KCTD17: variants seen among roughly 807,000 people sequenced by gnomAD.
KCTD17 encodes potassium channel tetramerization domain containing 17.
KCTD17 carries 20 observed loss-of-function variants against 41.5 expected under a neutral mutation model. The observed-to-expected ratio is 0.48, with a 90% confidence interval of 0.34 to 0.70. The LOEUF (loss-of-function observed/expected upper bound fraction) is 0.70, where lower values mean the gene tolerates loss of function less well. Among genes scored for constraint, KCTD17 ranks in the 30% least tolerant of loss-of-function variants. KCTD17 has a pLI of 0.01. For synonymous variants in KCTD17, 156 were observed against 173.8 expected (o/e 0.90, Z 0.80); for missense variants, 317 against 427.2 (o/e 0.74, Z 2.27).
chr22:37,054,740 A>G (rs1157687036), intron 2 of KCTD17, among the ~76,000 whole-genome samples: 1 of 152,138 alleles, frequency 6.6e-6, no homozygotes, highest in Non-Finnish European at 1.5e-5. Context: ...AGGATGTGGG[A>G]TGCAGTGCTA....
chr22:37,057,223 G>T, intron 3 of KCTD17, 175 bp from the exon 4 acceptor site: 1 of 673,516 alleles, frequency 1.5e-6, no homozygotes, highest in Non-Finnish European at 2.7e-6. Context: ...CCTGGTAAAT[G>T]CCTGGTGAGG....
At position 37,059,302 on chromosome 22, in the gene KCTD17, C is replaced by T. The variant is rs376815052; in HGVS notation, c.487-11C>T. 162 of 1,611,776 alleles carry T rather than the reference C, an allele frequency of 1.0e-4. No homozygotes were observed. Among genetic ancestry groups the T allele is most frequent in the Non-Finnish European group, 1.3e-4 (150 of 1,179,840 alleles). On this transcript the variant is annotated splice_polypyrimidine_tract_variant and intron_variant, in intron 4 of 8. Transcript: ENST00000403888. ...AACCTGCATTTTTCTCCCCATGCTC[C>T]GCCCCTCTAGCTGGTGAACATCGGC...
Position 37,054,476 on chromosome 22 carries a change from A to ACAGGGCTATCCGGGGGCTAGGGGATCACG in KCTD17, c.298+1294_298+1322dup, listed in dbSNP as rs1568981114. Among the ~76,000 whole-genome samples, 20 of 149,180 alleles carry ACAGGGCTATCCGGGGGCTAGGGGATCACG rather than the reference A, an allele frequency of 1.3e-4. No individual in the cohort carries two copies. In the South Asian group the frequency reaches 2.1e-3, roughly 16 times the overall value. On this transcript the variant is annotated intron_variant, in intron 2 of 8. Coordinates refer to ENST00000403888, the MANE Select transcript of KCTD17 (RefSeq NM_001282684.2). ...GGCTATCCGGAGGCTAGGGGATCAC[A>ACAGGGCTATCCGGGGGCTAGGGGATCACG]CAGGGCTATCCGGGGGCTAGGGGAT...
rs773764553 is a variant in KCTD17, at chr22:37,055,676, T to C, written c.299-644T>C. On this transcript the variant is annotated intron_variant, in intron 2 of 8. Transcript: ENST00000403888. ...TGCTCTCCTCATATCCCTGGACTTG[T>C]GATGAGCTCGTGCAGGGTGTTGCAA... Among the ~76,000 whole-genome samples the C allele has an allele frequency of 3.3e-5, 5 of 152,278 alleles. No homozygotes were observed. The South Asian group carries it at 1.0e-3, about 32-fold the overall frequency.
At position 37,052,651 on chromosome 22, in the gene KCTD17, C is replaced by T. The variant is rs138776174; in HGVS notation, c.190-449C>T. 282 of 470,878 alleles carry T rather than the reference C, an allele frequency of 6.0e-4. 2 individuals are homozygous for T. Among genetic ancestry groups the T allele is most frequent in the African/African-American group, 5.4e-3 (272 of 50,196 alleles). 29.2% of individuals were successfully genotyped at this position (470,878 alleles called of 1,614,324 possible). A position where few individuals can be genotyped will look rare whatever the true frequency, so the allele number is the denominator to read the frequency against. On this transcript the variant is annotated intron_variant, in intron 1 of 8. Transcript: ENST00000403888. ...TCTCTCTGTAGAGTCGCATGGAAGC[C>T]CACCCTGCCTCCCTGCCCGCCCGAG... is the stretch of plus-strand genomic sequence containing the variant.
At chr22:37,058,387 C>T (rs563711604) in intron 4 of KCTD17, among the ~76,000 whole-genome samples, 17 of 152,350 alleles carry the variant, frequency 1.1e-4, no homozygotes, top group Admixed American at 2.6e-4. Flanking sequence ...GTTCCCTCAT[C>T]GGTGAAGTGG....
chr22:37,062,473 GC>G, intron 8 of KCTD17, 51 bp from the exon 9 acceptor site: 1 of 1,534,920 alleles, frequency 6.5e-7, no homozygotes, highest in Non-Finnish European at 8.8e-7. Context: ...CTCCTTACCG[GC>G]CCCACCTCCG....
Position 37,051,875 on chromosome 22 carries a change from C to G in KCTD17, c.115C>G (p.Arg39Gly). ...NVGGTVFLTT[R>G]QTLCREQKSF... ...GGGGGGCACGGTGTTCCTGACCACC[C>G]GGCAGACGCTGTGCCGCGAGCAGAA... The change falls in exon 1 of 9, where the codon CGG becomes GGG. Residue 39 changes from arginine to glycine, a missense_variant. Physicochemically the swap from Arg to Gly is moderately radical, Grantham distance 125 (BLOSUM62 -2). Transcript: ENST00000403888. 2 of 1,495,634 alleles carry G rather than the reference C, an allele frequency of 1.3e-6. No individual in the cohort carries two copies. Among genetic ancestry groups the G allele is most frequent in the Non-Finnish European group, 1.8e-6 (2 of 1,123,066 alleles). The allele number at this position is 1,495,634 out of a possible 1,614,324, so 92.6% of individuals were successfully genotyped here. A position where few individuals can be genotyped will look rare whatever the true frequency, so the allele number is the denominator to read the frequency against.
At chr22:37,060,573 T>C (rs1925661308) in intron 5 of KCTD17, among the ~76,000 whole-genome samples, 1 of 152,166 alleles carries the variant, frequency 6.6e-6, no homozygotes, top group African/African-American at 2.4e-5. Context: ...CCTCGCTCTA[T>C]GTAACAGCAG....
chr22:37,062,769 C>T lies in KCTD17; in HGVS notation c.*175C>T, dbSNP rs1053160727. 3.7e-6 allele frequency: 5 copies of T among 1,362,796 alleles called. No homozygotes were observed. The highest frequency in any genetic ancestry group is 9.7e-7 in the Non-Finnish European group (1 of 1,031,526). 84.4% of individuals were successfully genotyped at this position (1,362,796 alleles called of 1,614,324 possible). A position where few individuals can be genotyped will look rare whatever the true frequency, so the allele number is the denominator to read the frequency against. ...CAAGGTGGGCCCCAGGACCTCTGGG[C>T]AGAGTGGACTGCTCATGGCAGATGT... On this transcript the variant is annotated 3_prime_UTR_variant, in exon 9 of 9. Transcript: ENST00000403888.
At chr22:37,052,198 G>A (rs1015382267) in intron 1 of KCTD17, 24 of 474,286 alleles carry the variant, frequency 5.1e-5, no homozygotes, top group Middle Eastern at 1.2e-3. Context: ...GCCCCGGATC[G>A]GGGCCTCTCC....
Position 37,061,466 on chromosome 22 carries a change from G to A in KCTD17, c.785-73G>A. 6.5e-7 allele frequency: 1 copy of A among 1,535,842 alleles called. No homozygotes were observed. Among genetic ancestry groups the A allele is most frequent in the Non-Finnish European group, 8.7e-7 (1 of 1,144,234 alleles). On this transcript the variant is annotated intron_variant, in intron 7 of 8. Transcript: ENST00000403888. This position sits in a 1 kb window ranked among gnomAD's most constrained non-coding sequence, Gnocchi z 6.6. ...CACTAACCCTGCCGGGCACCTCTGA[G>A]ACTGGGCCCTGGCTGCAGGCCCTGC...
chr22:37,060,477 T>TAGAACAAGGAAGGC (rs999646239), intron 5 of KCTD17, among the ~76,000 whole-genome samples: 2 of 152,044 alleles, frequency 1.3e-5, no homozygotes, highest in African/African-American at 4.8e-5. Flanking sequence ...TGAGGAGCAG[T>TAGAACAAGGAAGGC]CTTTCCAAAC....
rs1254069893 is a variant in KCTD17, at chr22:37,061,989, GC to G, written c.875+362del. The G allele has an allele frequency of 4.1e-6, 4 of 985,310 alleles. No homozygotes were observed. In the Admixed American group the frequency reaches 2.5e-4, roughly 61 times the overall value. The allele number at this position is 985,310 out of a possible 1,614,324, so 61.0% of individuals were successfully genotyped here. On this transcript the variant is annotated intron_variant, in intron 8 of 8. Transcript: ENST00000403888. The surrounding 1 kb of genome is among the most constrained non-coding windows in gnomAD (Gnocchi z 6.6). ...GATACCCTTGGCCCATGAAGTGTCA[GC>G]CAGAGTGGCTTAAGGATTGCAGAGT... is the stretch of plus-strand genomic sequence containing the variant.
In KCTD17 at chr22:37,051,962, G is replaced by T; in HGVS notation, c.189+13G>T. 1 of 1,453,346 alleles carries T rather than the reference G, an allele frequency of 6.9e-7. No individual in the cohort carries two copies. The highest frequency in any genetic ancestry group is 9.1e-7 in the Non-Finnish European group (1 of 1,100,000). The allele number at this position is 1,453,346 out of a possible 1,614,324, so 90.0% of individuals were successfully genotyped here. A position where few individuals can be genotyped will look rare whatever the true frequency, so the allele number is the denominator to read the frequency against. On this transcript the variant is annotated intron_variant, in intron 1 of 8. Coordinates refer to ENST00000403888, the MANE Select transcript of KCTD17 (RefSeq NM_001282684.2). ...GCAGTCGGACCGGGTGAGGCCCCCG[G>T]GGTGGGCGGCGAGCGGGCGGTGGGT...
At chr22:37,056,560 G>C (rs1357689425) in intron 3 of KCTD17, 149 bp downstream of exon 3, 19 of 645,428 alleles carry the variant, frequency 2.9e-5, no homozygotes, top group Non-Finnish European at 5.1e-5. Flanking sequence ...GAGAGGCATG[G>C]TTGGGCTGAC....
chr22:37,051,834 G>A lies in KCTD17; in HGVS notation c.74G>A (p.Trp25Ter). ...CGCGCCGCAGGCGGCTGGGGCAAGT[G>A]GGTGCGGCTCAACGTGGGGGGCACG... ...GGRAAGGWGK[W>*]VRLNVGGTVF... The change falls in exon 1 of 9, where the codon TGG becomes TAG. Residue 25 changes from tryptophan (W) to a stop codon, truncating the protein, a stop_gained. Coordinates refer to ENST00000403888, the MANE Select transcript of KCTD17 (RefSeq NM_001282684.2). LOFTEE classifies it high-confidence loss of function. The A allele has an allele frequency of 7.0e-7, 1 of 1,418,748 alleles. No homozygotes were observed. Among genetic ancestry groups the A allele is most frequent in the Non-Finnish European group, 9.2e-7 (1 of 1,081,732 alleles). 87.9% of individuals were successfully genotyped at this position (1,418,748 alleles called of 1,614,324 possible). A position where few individuals can be genotyped will look rare whatever the true frequency, so the allele number is the denominator to read the frequency against.
rs184785910 is a variant in KCTD17 at position 37,061,418 on chromosome 22, C to A, written c.785-121C>A. 116 of 1,476,818 alleles carry A rather than the reference C, an allele frequency of 7.9e-5. No individual in the cohort carries two copies. Among genetic ancestry groups the A allele is most frequent in the Non-Finnish European group, 1.0e-4 (111 of 1,114,172 alleles). 91.5% of individuals were successfully genotyped at this position (1,476,818 alleles called of 1,614,324 possible). On this transcript the variant is annotated intron_variant, in intron 7 of 8. Coordinates refer to ENST00000403888, the MANE Select transcript of KCTD17 (RefSeq NM_001282684.2). The surrounding 1 kb of genome is among the most constrained non-coding windows in gnomAD (Gnocchi z 6.6). ...TGCCTCCCAGCCTGGGGAGGAGGGG[C>A]GCAGCTGCACCTCCTCTGTGCCCAC... is the stretch of plus-strand genomic sequence containing the variant.
At chr22:37,058,930 C>G (rs1925449091) in intron 4 of KCTD17, among the ~76,000 whole-genome samples, 1 of 152,230 alleles carries the variant, frequency 6.6e-6, no homozygotes, top group Non-Finnish European at 1.5e-5. Context: ...TGTCCTGGGG[C>G]TGTGTCAGCC....
Sources: gnomAD v4.1 joint callset for allele counts (sites outside exome capture counted in the v4.1 genomes callset) on GRCh38, gnomAD v4.1.1 for gene constraint, Gnocchi (gnomAD v3.1) non-coding constraint, MANE v1.5 for transcripts, NCBI Gene and HGNC (gene_info 2026-07-23, HGNC 2026-07-21) for gene names.